The following HSDL2 variants were observed in gnomAD, a reference collection of about 807,000 sequenced individuals.
HSDL2 encodes hydroxysteroid dehydrogenase like 2, also known as hydroxysteroid dehydrogenase-like protein 2.
HSDL2 carries 27 observed loss-of-function variants against 46.3 expected under a neutral mutation model. The observed-to-expected ratio is 0.58, with a 90% CI of 0.43 to 0.80. The LOEUF (loss-of-function observed/expected upper bound fraction) is 0.80, where lower values mean the gene tolerates loss of function less well. Ranked by LOEUF, HSDL2 falls within the 30% of genes least tolerant of loss-of-function variation. The probability of loss-of-function intolerance (pLI) is 0.00; values close to 1 mark genes in which losing one functional copy is unlikely to be tolerated. For synonymous variants in HSDL2, 153 were observed against 163.6 expected, an observed-to-expected ratio of 0.94 and a Z score of 0.50; for missense variants, 451 against 502.7, an observed-to-expected ratio of 0.90 and a Z score of 0.98.
chr9:112,397,847 A>G (rs1831492731), intron 1 of HSDL2, among the ~76,000 whole-genome samples: 1 of 152,232 alleles, frequency 6.6e-6, no homozygotes, highest in Admixed American at 6.5e-5. Flanking sequence ...CATACTGAGT[A>G]CAAGCATCCT....
intron 5 of HSDL2, among the ~76,000 whole-genome samples, chr9:112,417,764 A>G (rs1177920818): frequency 2.0e-5 from 3 of 151,026 alleles, no homozygotes; most frequent in Non-Finnish European, 2.9e-5. Flanking sequence ...TTCCCTTTAA[A>G]TAAACACTTT....
chr9:112,402,281 A>G (rs980688452), intron 1 of HSDL2, among the ~76,000 whole-genome samples: 10 of 152,158 alleles, frequency 6.6e-5, no homozygotes, highest in African/African-American at 2.4e-4. Flanking sequence ...GCCACTGAGT[A>G]AGCAGAAAGT....
intron 4 of HSDL2, among the ~76,000 whole-genome samples, chr9:112,411,468 A>C (rs1369728604): frequency 6.6e-6 from 1 of 152,234 alleles, no homozygotes; most frequent in South Asian, 2.1e-4. Context: ...TGAGGTCAGG[A>C]GTTTAAGACT....
chr9:112,412,561 C>T (rs1182319414), intron 4 of HSDL2, among the ~76,000 whole-genome samples: 1 of 152,118 alleles, frequency 6.6e-6, no homozygotes, highest in Non-Finnish European at 1.5e-5. Context: ...ATGATCAATA[C>T]AAGTAAAGCA....
chr9:112,458,894 T>C (rs796302944), intron 9 of HSDL2, among the ~76,000 whole-genome samples: 10 of 151,530 alleles, frequency 6.6e-5, no homozygotes, highest in East Asian at 2.0e-4. Context: ...GGCAGGAGAA[T>C]AGCATGAACC....
At position 112,448,409 on chromosome 9, in the gene HSDL2, T is replaced by G. The variant is rs1832795084; in HGVS notation, c.866-5604T>G. Among the ~76,000 whole-genome samples, 3 of 152,348 alleles carry G rather than the reference T, an allele frequency of 2.0e-5. No homozygotes were observed. The South Asian group carries it at 6.2e-4, about 32-fold the overall frequency. On this transcript the variant is annotated intron_variant, in intron 8 of 10. Coordinates refer to ENST00000398805, the MANE Select transcript of HSDL2 (RefSeq NM_032303.5). ...ACATTTGTATAAGATGGACATTTTT[T>G]TAATCAGAGAAGTTAGATTGGTATC...
At chr9:112,433,229 G>T (rs376392002) in intron 6 of HSDL2, among the ~76,000 whole-genome samples, 1 of 152,182 alleles carries the variant, frequency 6.6e-6, no homozygotes, top group East Asian at 1.9e-4. Flanking sequence ...AGGGAGCGAC[G>T]CATGCAAAGA....
chr9:112,416,133 G>A (rs371242202), intron 4 of HSDL2, among the ~76,000 whole-genome samples: 14 of 150,598 alleles, frequency 9.3e-5, no homozygotes, highest in African/African-American at 3.4e-4. Context: ...GGATTGGCCC[G>A]GCATGATGGC....
intron 6 of HSDL2, chr9:112,434,138 A>G (rs892237934): frequency 1.2e-4 from 18 of 152,090 alleles, no homozygotes; most frequent in African/African-American, 4.4e-4. Flanking sequence ...GGGGAAGGGG[A>G]GAGGGATGAT....
At chr9:112,441,225 T>C (rs1353437692) in intron 7 of HSDL2, among the ~76,000 whole-genome samples, 1 of 151,692 alleles carries the variant, frequency 6.6e-6, no homozygotes, top group Non-Finnish European at 1.5e-5. Flanking sequence ...CCCAGTGGAA[T>C]AGGATGGAAT....
intron 9 of HSDL2, among the ~76,000 whole-genome samples, chr9:112,455,707 C>T (rs1421328782): frequency 6.6e-6 from 1 of 152,226 alleles, no homozygotes; most frequent in Admixed American, 6.5e-5. Context: ...CTTAAACTTT[C>T]TCAGTGTTCC....
chr9:112,398,372 C>CA (rs1361720706), intron 1 of HSDL2, among the ~76,000 whole-genome samples: 1 of 151,784 alleles, frequency 6.6e-6, no homozygotes, highest in African/African-American at 2.4e-5. Flanking sequence ...GCAAAGGCTG[C>CA]AAAGGTTTGA....
chr9:112,391,105 G>T (rs1006336165), intron 1 of HSDL2, among the ~76,000 whole-genome samples: 8 of 151,764 alleles, frequency 5.3e-5, no homozygotes, highest in Admixed American at 3.3e-4. Context: ...GAACCCAGGA[G>T]ACAGAGGTTG....
intron 8 of HSDL2, among the ~76,000 whole-genome samples, chr9:112,443,986 C>T (rs1479598508): frequency 1.3e-5 from 2 of 152,194 alleles, no homozygotes; most frequent in Non-Finnish European, 2.9e-5. Context: ...ATAACTTTGC[C>T]TATAGCCATC....
intron 6 of HSDL2, among the ~76,000 whole-genome samples, chr9:112,430,083 CAAA>C (rs112160941): frequency 7.3e-6 from 1 of 137,372 alleles, no homozygotes. Context: ...AACCCTATCT[CAAA>C]AAAAAAAAAA....
At chr9:112,457,558 CAGCTTA>C (rs1333676995) in intron 9 of HSDL2, among the ~76,000 whole-genome samples, 3 of 152,042 alleles carry the variant, frequency 2.0e-5, no homozygotes, top group African/African-American at 7.2e-5. Flanking sequence ...GATGGGAAGA[CAGCTTA>C]AGCCCAGAAG....
chr9:112,471,564 CTGT>C lies in HSDL2; in HGVS notation c.*1025_*1027del, dbSNP rs1833575160. On this transcript the variant is annotated 3_prime_UTR_variant, in exon 11 of 11. Coordinates refer to ENST00000398805, the MANE Select transcript of HSDL2 (RefSeq NM_032303.5). ...CTCCAGAATAGTGAGAAATAAATTTCTGTTGTTAAGCCGTCCACTGTGGGAGGC... is the reference window on the plus strand; with the variant it reads ...CTCCAGAATAGTGAGAAATAAATTTCTGTTAAGCCGTCCACTGTGGGAGGC... 3 of 152,240 alleles carry C rather than the reference CTGT, an allele frequency of 2.0e-5. No homozygotes were observed. 9.4% of individuals were successfully genotyped at this position (152,240 alleles called of 1,614,324 possible). A position where few individuals can be genotyped will look rare whatever the true frequency, so the allele number is the denominator to read the frequency against.
intron 7 of HSDL2, among the ~76,000 whole-genome samples, chr9:112,440,736 C>T (rs946927674): frequency 3.3e-5 from 5 of 152,112 alleles, no homozygotes; most frequent in East Asian, 1.9e-4. Context: ...TGTTCAGGCA[C>T]GGTGGCTCAC....
At chr9:112,419,052 AG>A in intron 6 of HSDL2, 94 bp downstream of exon 6, 1 of 627,224 alleles carries the variant, frequency 1.6e-6, no homozygotes, top group East Asian at 4.2e-5. Context: ...CTTGTCATCC[AG>A]GCTGGAGTGC....
Sources: allele counts gnomAD v4.1 joint callset (sites outside exome capture counted in the v4.1 genomes callset), GRCh38; gene constraint gnomAD v4.1.1; transcripts MANE v1.5; gene names NCBI Gene and HGNC (gene_info 2026-07-23, HGNC 2026-07-21).